NCOA2: variants seen among roughly 807,000 people sequenced by gnomAD.
The protein encoded by NCOA2 is nuclear receptor coactivator 2.
A neutral mutation model predicts 145.1 loss-of-function variants in NCOA2; 21 were observed. The ratio of observed to expected loss-of-function variants is 0.14; its 90% CI spans 0.10 to 0.21. NCOA2 has a LOEUF of 0.21. Ranked by LOEUF, NCOA2 falls within the 10% of genes least tolerant of loss-of-function variation. NCOA2 has a pLI of 1.00. For missense variants in NCOA2, 1,472 were observed against 1,837.6 expected (o/e 0.80, Z 3.64); for synonymous variants, 619 against 637.5 (o/e 0.97, Z 0.44).
At position 70,113,268 on chromosome 8, in the gene NCOA2, G is replaced by A. The variant is rs1052763099; in HGVS notation, c.*364C>T. 2 of 304,816 alleles carry A rather than the reference G, an allele frequency of 6.6e-6. No individual in the cohort carries two copies. The highest frequency in any genetic ancestry group is 4.2e-5 in the African/African-American group (2 of 47,904). The allele number at this position is 304,816 out of a possible 1,614,324, so 18.9% of individuals were successfully genotyped here. ...GAAACCAGTGTCTGGAACCGAACAG[G>A]AACAGAACAAGAGCATGGTTCTCCT... On this transcript the variant is annotated 3_prime_UTR_variant, in exon 23 of 23. Coordinates refer to ENST00000452400, the MANE Select transcript of NCOA2 (RefSeq NM_006540.4).
chr8:70,183,827 G>C (rs1453760863), intron 4 of NCOA2, among the ~76,000 whole-genome samples: 1 of 152,130 alleles, frequency 6.6e-6, no homozygotes, highest in African/African-American at 2.4e-5. Context: ...CTACATTGCT[G>C]GCTCCTTGGC....
chr8:70,403,063 C>T (rs1370792603), intron 1 of NCOA2, among the ~76,000 whole-genome samples: 1 of 149,396 alleles, frequency 6.7e-6, no homozygotes, highest in Non-Finnish European at 1.5e-5. Context: ...TGCAGCTCGC[C>T]GGCCGCCCCG....
intron 1 of NCOA2, among the ~76,000 whole-genome samples, chr8:70,316,043 GA>G (rs796824485): frequency 6.6e-6 from 1 of 152,176 alleles, no homozygotes; most frequent in Non-Finnish European, 1.5e-5. Flanking sequence ...CATTAATGAT[GA>G]AACAGCTGAA....
chr8:70,321,366 C>T (rs1483849258), intron 1 of NCOA2, among the ~76,000 whole-genome samples: 1 of 150,980 alleles, frequency 6.6e-6, no homozygotes, highest in Non-Finnish European at 1.5e-5. Flanking sequence ...CACCATGTTG[C>T]CCAGGCTAAT....
At chr8:70,140,593 G>GTTTTTTTTTT (rs71558582) in intron 14 of NCOA2, among the ~76,000 whole-genome samples, 4 of 79,784 alleles carry the variant, frequency 5.0e-5, no homozygotes, top group East Asian at 4.5e-4. Context: ...TACCACCTAA[G>GTTTTTTTTTT]TTTTTTTTTT....
chr8:70,348,966 A>G (rs1468359055), intron 1 of NCOA2, among the ~76,000 whole-genome samples: 3 of 146,764 alleles, frequency 2.0e-5, no homozygotes, highest in Admixed American at 1.4e-4. Context: ...GCATACTGGC[A>G]TAGAAGAGAG....
chr8:70,307,220 CAAAAAAAAAAA>C (rs57161747), intron 1 of NCOA2, among the ~76,000 whole-genome samples: 164 of 71,646 alleles, frequency 2.3e-3, no homozygotes, highest in African/African-American at 6.6e-3. Context: ...CCTACATAAG[CAAAAAAAAAAA>C]AAAAAAAAAA....
the NCOA2 span, among the ~76,000 whole-genome samples, chr8:70,430,198 A>G: frequency 6.6e-6 from 1 of 152,174 alleles, no homozygotes; most frequent in Non-Finnish European, 1.5e-5. Context: ...TTGTAATAGA[A>G]AGCAAGCTAA....
At chr8:70,162,937 C>G (rs1220331610) in intron 8 of NCOA2, 83 bp from the exon 9 acceptor site, 3 of 600,448 alleles carry the variant, frequency 5.0e-6, no homozygotes, top group Non-Finnish European at 7.5e-6. Flanking sequence ...TTTTTTGAGA[C>G]AGAGTCTCAC....
intron 15 of NCOA2, among the ~76,000 whole-genome samples, chr8:70,132,791 C>T (rs1167972935): frequency 6.6e-6 from 1 of 152,198 alleles, no homozygotes; most frequent in Non-Finnish European, 1.5e-5. Context: ...GTCTTGAACT[C>T]CTGAGCTCAA....
upstream of NCOA2, among the ~76,000 whole-genome samples, chr8:70,404,699 A>G (rs1182065669): frequency 6.6e-6 from 1 of 152,228 alleles, no homozygotes; most frequent in East Asian, 1.9e-4. Context: ...TCGGCACATC[A>G]TGAAATCATA....
intron 1 of NCOA2, among the ~76,000 whole-genome samples, chr8:70,333,009 G>T (rs1807243399): frequency 1.3e-5 from 2 of 152,186 alleles, no homozygotes; most frequent in Non-Finnish European, 2.9e-5. Context: ...TGTAAAAACT[G>T]GGATTTCTCA....
Position 70,156,946 on chromosome 8 carries a change from G to A in NCOA2, c.1419C>T (p.Ser473=). The stretch of plus-strand genomic sequence containing the variant: ...GCTGTCCTGGATTCATGCCAGGGCT[G>A]CTTTGTGAGGGGCTGTTCATTTTGA... ...YALKMNSPSQ[S]SPGMNPGQPT... The change falls in exon 11 of 23, where the codon AGC becomes AGT. Residue 473 remains serine, a synonymous_variant. Transcript: ENST00000452400. 1.9e-6 allele frequency: 3 copies of A among 1,614,050 alleles called. No individual in the cohort carries two copies. The highest frequency in any genetic ancestry group is 2.2e-5 in the East Asian group (1 of 44,882).
chr8:70,302,180 T>C (rs1294152883), intron 1 of NCOA2, among the ~76,000 whole-genome samples: 1 of 152,158 alleles, frequency 6.6e-6, no homozygotes, highest in East Asian at 1.9e-4. Flanking sequence ...CATATATTTG[T>C]AATGCAAATG....
chr8:70,117,679 CAGGGGTTA>C (rs1807305317), intron 22 of NCOA2, among the ~76,000 whole-genome samples: 2 of 152,146 alleles, frequency 1.3e-5, no homozygotes, highest in South Asian at 2.1e-4. Flanking sequence ...CAGGAGGGTG[CAGGGGTTA>C]AGAATGCATA....
At chr8:70,261,132 G>A (rs1439303812) in intron 2 of NCOA2, among the ~76,000 whole-genome samples, 4 of 152,144 alleles carry the variant, frequency 2.6e-5, no homozygotes, top group African/African-American at 9.7e-5. Flanking sequence ...AAATCATGCT[G>A]CTATAAAGAC....
At chr8:70,202,565 T>C (rs2133578535) in intron 4 of NCOA2, among the ~76,000 whole-genome samples, 2 of 152,234 alleles carry the variant, frequency 1.3e-5, no homozygotes, top group South Asian at 4.1e-4. Flanking sequence ...CTTGAGGACA[T>C]TAAGCCATGT....
intron 2 of NCOA2, among the ~76,000 whole-genome samples, chr8:70,232,694 A>AT (rs1455675383): frequency 6.6e-6 from 1 of 151,980 alleles, no homozygotes; most frequent in African/African-American, 2.4e-5. Flanking sequence ...TCTCTACTTA[A>AT]TGCATACTCA....
At chr8:70,438,067 C>T in the NCOA2 span, among the ~76,000 whole-genome samples, 13 of 152,204 alleles carry the variant, frequency 8.5e-5, no homozygotes, top group African/African-American at 2.9e-4. Flanking sequence ...CATTTTCATC[C>T]GATTGTTTCA....
Sources: allele counts gnomAD v4.1 joint callset (sites outside exome capture counted in the v4.1 genomes callset), GRCh38; gene constraint gnomAD v4.1.1; transcripts MANE v1.5; gene names NCBI Gene and HGNC (gene_info 2026-07-23, HGNC 2026-07-21).